The following CSMD1 variants were observed in gnomAD, a reference collection of about 807,000 sequenced individuals.
CSMD1 encodes the protein CUB and Sushi multiple domains 1.
A neutral mutation model predicts 417.5 loss-of-function variants in CSMD1; 213 were observed. That is an observed-to-expected ratio of 0.51 (90% CI 0.46 to 0.57). The LOEUF (loss-of-function observed/expected upper bound fraction) is 0.57. Among genes scored for constraint, CSMD1 ranks in the 20% least tolerant of loss-of-function variants. The pLI is 0.00. For synonymous variants in CSMD1, 2,862 were observed against 1,736.8 expected (o/e 1.65, Z -16.11); for missense variants, 6,923 against 4,529.7 (o/e 1.53, Z -15.17).
intron 1 of CSMD1, among the ~76,000 whole-genome samples, chr8:4,652,857 C>G (rs55929127): frequency 2.0e-5 from 3 of 151,984 alleles, no homozygotes; most frequent in East Asian, 3.9e-4. Context: ...TTGCGTGCAC[C>G]GTTCACAATA....
chr8:3,201,560 A>T, intron 32 of CSMD1, 52 bp downstream of exon 32: 3 of 907,682 alleles, frequency 3.3e-6, no homozygotes, highest in Non-Finnish European at 5.0e-6. Context: ...GTTAAAAATT[A>T]ATCCCCCTAG....
At chr8:3,388,924 C>G (rs369817833) in intron 17 of CSMD1, among the ~76,000 whole-genome samples, 16,321 of 148,266 alleles carry the variant, frequency 0.11, 983 homozygotes, top group Middle Eastern at 0.17. Flanking sequence ...CACACACACA[C>G]ACACACACAC....
At chr8:3,421,003 T>TA (rs1031790933) in intron 12 of CSMD1, among the ~76,000 whole-genome samples, 7 of 152,130 alleles carry the variant, frequency 4.6e-5, no homozygotes, top group East Asian at 3.9e-4. Flanking sequence ...TGTAGATTAT[T>TA]AAAAAAAAGA....
chr8:3,670,312 C>T (rs1798922545), intron 7 of CSMD1, among the ~76,000 whole-genome samples: 1 of 151,778 alleles, frequency 6.6e-6, no homozygotes, highest in African/African-American at 2.4e-5. Flanking sequence ...TGCTTCCTGC[C>T]CTCCAGCATC....
intron 3 of CSMD1, among the ~76,000 whole-genome samples, chr8:4,314,836 A>G (rs1053510357): frequency 6.6e-6 from 1 of 152,176 alleles, no homozygotes; most frequent in African/African-American, 2.4e-5. Flanking sequence ...ATTTTGTAAG[A>G]GGAGGGAGCT....
intron 4 of CSMD1, among the ~76,000 whole-genome samples, chr8:4,020,888 C>G (rs62502684): frequency 6.6e-6 from 1 of 152,158 alleles, no homozygotes. Context: ...TGGTCCTACT[C>G]AGCTCAAATA....
chr8:4,344,521 G>A (rs185802524), intron 3 of CSMD1, among the ~76,000 whole-genome samples: 1,671 of 150,720 alleles, frequency 0.011, 26 homozygotes, highest in African/African-American at 0.038. Context: ...ATGATTGTCA[G>A]AAATATATAT....
intron 25 of CSMD1, among the ~76,000 whole-genome samples, chr8:3,303,208 A>G (rs1409764812): frequency 1.3e-5 from 2 of 152,196 alleles, no homozygotes; most frequent in Non-Finnish European, 1.5e-5. Context: ...TCTCCAACCC[A>G]TGGTCTATGT....
intron 7 of CSMD1, among the ~76,000 whole-genome samples, chr8:3,668,346 C>T (rs1189372955): frequency 1.3e-5 from 2 of 152,118 alleles, no homozygotes; most frequent in East Asian, 3.9e-4. Flanking sequence ...AGGCCCTGGG[C>T]TGTGCATGAC....
chr8:4,896,092 A>T (rs945554840), intron 1 of CSMD1, among the ~76,000 whole-genome samples: 2 of 152,030 alleles, frequency 1.3e-5, no homozygotes, highest in African/African-American at 2.4e-5. Flanking sequence ...TCTGTCTGAA[A>T]ATTTTTTTCT....
chr8:3,226,677 T>C (rs1255353073), intron 27 of CSMD1, among the ~76,000 whole-genome samples: 6 of 151,384 alleles, frequency 4.0e-5, no homozygotes, highest in Non-Finnish European at 8.8e-5. Context: ...GGCTTCATGG[T>C]AGAAGTCATT....
chr8:3,751,209 G>C (rs564676090), intron 6 of CSMD1, among the ~76,000 whole-genome samples: 2 of 151,618 alleles, frequency 1.3e-5, no homozygotes, highest in Non-Finnish European at 2.9e-5. Context: ...GTTAAGCCAG[G>C]CTTACCTCTC....
intron 5 of CSMD1, among the ~76,000 whole-genome samples, chr8:3,771,752 C>T (rs1006556675): frequency 6.6e-6 from 1 of 152,154 alleles, no homozygotes; most frequent in African/African-American, 2.4e-5. Flanking sequence ...TGTGTGTGTT[C>T]AAATGACAGC....
At chr8:3,199,009 C>T (rs1796849317) in intron 33 of CSMD1, among the ~76,000 whole-genome samples, 2 of 152,174 alleles carry the variant, frequency 1.3e-5, no homozygotes, top group South Asian at 4.1e-4. Flanking sequence ...ATGACAAGCT[C>T]CACGCAAAGA....
chr8:3,177,920 G>C lies in CSMD1; in HGVS notation c.5725+3190C>G, dbSNP rs547207109. ...GTCTTGGTTTCATTGGTTTTCTTTA[G>C]AAAAGAACGCAGAACAAGAGTGACA... On this transcript the variant is annotated intron_variant, in intron 37 of 69. Coordinates refer to ENST00000635120, the MANE Select transcript of CSMD1 (RefSeq NM_033225.6). 1.1e-4 allele frequency among the ~76,000 whole-genome samples: 17 copies of C among 152,258 alleles called. 1 individual carries two copies. In the Middle Eastern group the frequency reaches 0.014, roughly 122 times the overall value.
chr8:4,636,803 G>A (rs537967007), intron 2 of CSMD1, among the ~76,000 whole-genome samples: 17 of 152,144 alleles, frequency 1.1e-4, no homozygotes, highest in Non-Finnish European at 2.1e-4. Context: ...TTCTGGTAAT[G>A]AGGGGTGAAG....
chr8:3,596,772 A>G (rs1019435154), intron 8 of CSMD1, among the ~76,000 whole-genome samples: 6 of 150,424 alleles, frequency 4.0e-5, no homozygotes, highest in Admixed American at 1.3e-4. Context: ...TTCAGGGCAC[A>G]CACAAACACA....
intron 26 of CSMD1, among the ~76,000 whole-genome samples, chr8:3,274,899 C>T (rs1252137198): frequency 2.0e-5 from 3 of 152,134 alleles, no homozygotes; most frequent in Non-Finnish European, 4.4e-5. Context: ...CAGTCTGTGT[C>T]TTTTAATTGG....
At chr8:2,978,238 C>A (rs894044932) in intron 55 of CSMD1, among the ~76,000 whole-genome samples, 1 of 152,136 alleles carries the variant, frequency 6.6e-6, no homozygotes, top group Non-Finnish European at 1.5e-5. Flanking sequence ...CTGGGCTGAG[C>A]GAGAGTAAGA....
Sources: gnomAD v4.1 joint callset for allele counts (sites outside exome capture counted in the v4.1 genomes callset) on GRCh38, gnomAD v4.1.1 for gene constraint, MANE v1.5 for transcripts, NCBI Gene and HGNC (gene_info 2026-07-23, HGNC 2026-07-21) for gene names.